TSC22D1: variants seen among roughly 807,000 people sequenced by gnomAD.
The protein encoded by TSC22D1 is TSC22 domain family protein 1.
Under a neutral mutation model 74.2 loss-of-function variants are expected in TSC22D1, and 9 were observed. That is an observed-to-expected ratio of 0.12 (90% CI 0.07 to 0.21). TSC22D1 has a LOEUF of 0.21. Among genes scored for constraint, TSC22D1 ranks in the 10% least tolerant of loss-of-function variants. The pLI is 1.00. For synonymous variants in TSC22D1, 586 were observed against 492.5 expected (o/e 1.19, Z -2.51); for missense variants, 1,427 against 1,304.7 (o/e 1.09, Z -1.44).
At chr13:44,498,283 G>C (rs1879063317) in intron 1 of TSC22D1, among the ~76,000 whole-genome samples, 1 of 144,296 alleles carries the variant, frequency 6.9e-6, no homozygotes, top group African/African-American at 2.5e-5. Context: ...GGGCAACAAA[G>C]TGAGATTCTG....
At position 44,433,895 on chromosome 13, in the gene TSC22D1, G is replaced by T; in HGVS notation, c.*731C>A. 1.5e-6 allele frequency: 2 copies of T among 1,322,306 alleles called. No homozygotes were observed. Among genetic ancestry groups the T allele is most frequent in the Non-Finnish European group, 2.0e-6 (2 of 994,104 alleles). The allele number at this position is 1,322,306 out of a possible 1,614,324, so 81.9% of individuals were successfully genotyped here. A position where few individuals can be genotyped will look rare whatever the true frequency, so the allele number is the denominator to read the frequency against. On this transcript the variant is annotated 3_prime_UTR_variant, in exon 3 of 3. Transcript: ENST00000458659. The stretch of plus-strand genomic sequence containing the variant: ...GTCCACACCTCCTCAGACAGCCAAT[G>T]AAACAACTAAATTTCAATCTGTACA...
At chr13:44,563,509 T>C (rs1420074916) in intron 1 of TSC22D1, among the ~76,000 whole-genome samples, 2 of 152,220 alleles carry the variant, frequency 1.3e-5, no homozygotes, top group East Asian at 3.8e-4. Flanking sequence ...TCAACAAGTG[T>C]TGAGGGCCAA....
intron 1 of TSC22D1, among the ~76,000 whole-genome samples, chr13:44,489,328 A>C (rs749163689): frequency 1.1e-4 from 16 of 152,132 alleles, no homozygotes; most frequent in Non-Finnish European, 1.3e-4. Flanking sequence ...GGATACAAAA[A>C]CATTAACTAT....
intron 1 of TSC22D1, among the ~76,000 whole-genome samples, chr13:44,482,792 T>C (rs763891444): frequency 6.6e-6 from 1 of 152,222 alleles, no homozygotes; most frequent in Non-Finnish European, 1.5e-5. Flanking sequence ...AAAAATATAG[T>C]TATTGAAACA....
chr13:44,483,458 G>A (rs1457658566), intron 1 of TSC22D1, among the ~76,000 whole-genome samples: 3 of 152,068 alleles, frequency 2.0e-5, no homozygotes, highest in Non-Finnish European at 2.9e-5. Flanking sequence ...TCAGGAGATC[G>A]AGACCATCCT....
Position 44,575,272 on chromosome 13 carries a change from G to C in TSC22D1, c.803C>G (p.Ser268Cys), listed in dbSNP as rs758744173. ...VSRKLSTTGS[S>C]DSITPVAPTS... is the part of the protein sequence containing the mutation. ...TGGTGCAACTGGTGTGATACTGTCA[G>C]AGCTTCCAGTTGTAGAGAGTTTTCT... Residue 268 changes from serine (S) to cysteine (C), a missense_variant, in exon 1 of 3, where the codon TCT becomes TGT. By Grantham distance (112) the Ser-to-Cys change is moderately radical. Transcript: ENST00000458659. The C allele has an allele frequency of 2.5e-6, 4 of 1,614,130 alleles. No individual in the cohort carries two copies. The highest frequency in any genetic ancestry group is 3.4e-6 in the Non-Finnish European group (4 of 1,180,030).
intron 1 of TSC22D1, among the ~76,000 whole-genome samples, chr13:44,563,104 C>CAA (rs771465488): frequency 1.7e-5 from 2 of 121,074 alleles, no homozygotes; most frequent in African/African-American, 3.1e-5. Context: ...AACTCCATCT[C>CAA]AAAAAAAAAA....
Position 44,574,687 on chromosome 13 carries a change from TCC to T in TSC22D1, c.1386_1387del (p.Ser464HisfsTer2). ...GCTCACTGAACTCCCACTAGTGCTC[TCC>T]CTTTCAGAAGTCACTTCTATCGGAT... is the stretch of plus-strand genomic sequence containing the variant. On this transcript the variant is annotated frameshift_variant, in exon 1 of 3. Transcript: ENST00000458659. LOFTEE classifies it high-confidence loss of function. 6.2e-7 allele frequency: 1 copy of T among 1,614,166 alleles called. No individual in the cohort carries two copies. Among genetic ancestry groups the T allele is most frequent in the Non-Finnish European group, 8.5e-7 (1 of 1,180,044 alleles).
chr13:44,523,639 A>G (rs554818042), intron 1 of TSC22D1, among the ~76,000 whole-genome samples: 1 of 152,306 alleles, frequency 6.6e-6, no homozygotes, highest in South Asian at 2.1e-4. Context: ...TGTGGCACGC[A>G]GAGAAGAAGG....
chr13:44,480,026 G>T (rs1185402374), intron 1 of TSC22D1, among the ~76,000 whole-genome samples: 1 of 152,098 alleles, frequency 6.6e-6, no homozygotes. Flanking sequence ...CCATTTGAGA[G>T]CATTCAATGA....
At chr13:44,542,510 CACA>C (rs1390907831) in intron 1 of TSC22D1, among the ~76,000 whole-genome samples, 1 of 152,068 alleles carries the variant, frequency 6.6e-6, no homozygotes, top group Middle Eastern at 3.2e-3. Flanking sequence ...GGTTAAGTTA[CACA>C]ACAAGTTAAA....
intron 1 of TSC22D1, among the ~76,000 whole-genome samples, chr13:44,550,616 A>C (rs1882172869): frequency 6.6e-6 from 1 of 151,744 alleles, no homozygotes. Flanking sequence ...AAAGAAAAGA[A>C]GTGAAGCTAG....
rs769226789 is a variant in TSC22D1 at position 44,574,353 on chromosome 13, T to C, written c.1722A>G (p.Ala574=). The change falls in exon 1 of 3, where the codon GCA becomes GCG. Residue 574 remains alanine, a synonymous_variant. Coordinates refer to ENST00000458659, the MANE Select transcript of TSC22D1 (RefSeq NM_183422.4). ...PVPLQATMSA[A]TGIQPSPVNV... Reference sequence around the variant, plus strand: ...TTACAGGCGATGGCTGGATACCAGTTGCAGCACTCATAGTGGCTTGCAGAG... The same window carrying C: ...TTACAGGCGATGGCTGGATACCAGTCGCAGCACTCATAGTGGCTTGCAGAG... 1.2e-6 allele frequency: 2 copies of C among 1,614,260 alleles called. No individual in the cohort carries two copies. Among genetic ancestry groups the C allele is most frequent in the South Asian group, 2.2e-5 (2 of 91,088 alleles).
At chr13:44,567,333 A>G (rs1167176704) in intron 1 of TSC22D1, among the ~76,000 whole-genome samples, 4 of 152,328 alleles carry the variant, frequency 2.6e-5, no homozygotes, top group South Asian at 4.1e-4. Flanking sequence ...GTTACCATAC[A>G]GGAAAGCTAA....
At chr13:44,569,832 A>C (rs966557715) in intron 1 of TSC22D1, among the ~76,000 whole-genome samples, 1 of 150,028 alleles carries the variant, frequency 6.7e-6, no homozygotes, top group East Asian at 1.9e-4. Context: ...AAATCATGAC[A>C]AAAAAAAAAT....
At chr13:44,516,343 C>A (rs146194467) in intron 1 of TSC22D1, 43 of 467,674 alleles carry the variant, frequency 9.2e-5, no homozygotes, top group African/African-American at 8.3e-4. Flanking sequence ...TTCTGAAGAA[C>A]CTGCTTTTTA....
chr13:44,499,399 T>C (rs1879122073), intron 1 of TSC22D1, among the ~76,000 whole-genome samples: 1 of 152,174 alleles, frequency 6.6e-6, no homozygotes, highest in African/African-American at 2.4e-5. Context: ...AATTAATATT[T>C]TAAAATATCT....
chr13:44,547,763 A>G (rs1158814241), intron 1 of TSC22D1, among the ~76,000 whole-genome samples: 1 of 152,098 alleles, frequency 6.6e-6, no homozygotes. Context: ...AGCTTAGTAT[A>G]TGGTAGGTAA....
chr13:44,510,075 T>A (rs1176516249), intron 1 of TSC22D1, among the ~76,000 whole-genome samples: 1 of 151,610 alleles, frequency 6.6e-6, no homozygotes, highest in Non-Finnish European at 1.5e-5. Context: ...TCAGCATATA[T>A]TAGGAGTCTT....
Sources: gnomAD v4.1 joint callset for allele counts (sites outside exome capture counted in the v4.1 genomes callset) on GRCh38, gnomAD v4.1.1 for gene constraint, MANE v1.5 for transcripts, NCBI Gene and HGNC (gene_info 2026-07-23, HGNC 2026-07-21) for gene names.